C1orf159: variants seen among roughly 807,000 people sequenced by gnomAD.
C1orf159 encodes uncharacterized protein C1orf159.
Under a neutral mutation model 25.6 loss-of-function variants are expected in C1orf159, and 19 were observed. That is an observed-to-expected ratio of 0.74 (90% CI 0.52 to 1.09). C1orf159 has a LOEUF of 1.09. Among genes scored for constraint, C1orf159 ranks in the 50% least tolerant of loss-of-function variants. C1orf159 has a pLI of 0.00. For synonymous variants in C1orf159, 139 were observed against 124.7 expected, an observed-to-expected ratio of 1.12 and a Z score of -0.77; for missense variants, 274 against 290.6, an observed-to-expected ratio of 0.94 and a Z score of 0.42.
At chr1:1,084,667 A>G (rs565912854) in intron 7 of C1orf159, among the ~76,000 whole-genome samples, 161 bp from the exon 8 acceptor site, 75 of 151,752 alleles carry the variant, frequency 4.9e-4, no homozygotes, top group Non-Finnish European at 8.9e-4. Flanking sequence ...GTCTCCCCCA[A>G]CCTCTCCCTG....
At chr1:1,093,693 A>G (rs1242512994) in intron 1 of C1orf159, among the ~76,000 whole-genome samples, 2 of 152,240 alleles carry the variant, frequency 1.3e-5, no homozygotes, top group Admixed American at 1.3e-4. Context: ...GCCTTTGCCC[A>G]TCACCTGCCA....
At chr1:1,108,446 TCGACACCG>T (rs1646208887) in intron 1 of C1orf159, among the ~76,000 whole-genome samples, 1 of 114,496 alleles carries the variant, frequency 8.7e-6, no homozygotes, top group African/African-American at 3.9e-5. Flanking sequence ...CCACCATGTC[TCGACACCG>T]TTCACCACAG....
intron 1 of C1orf159, among the ~76,000 whole-genome samples, chr1:1,099,632 G>C (rs1163781332): frequency 1.3e-5 from 2 of 151,920 alleles, no homozygotes; most frequent in Admixed American, 6.6e-5. Flanking sequence ...GAATTGGAGA[G>C]AGAGAGGTTA....
At chr1:1,093,701 C>A in intron 1 of C1orf159, among the ~76,000 whole-genome samples, 1 of 152,256 alleles carries the variant, frequency 6.6e-6, no homozygotes, top group South Asian at 2.1e-4. Flanking sequence ...CCATCACCTG[C>A]CAGTGGGTGC....
At chr1:1,099,826 A>G (rs1646074529) in intron 1 of C1orf159, among the ~76,000 whole-genome samples, 1 of 151,406 alleles carries the variant, frequency 6.6e-6, no homozygotes, top group South Asian at 2.1e-4. Context: ...TGGGTTGTCT[A>G]TTGATGTTTT....
At chr1:1,093,982 T>C (rs1045309032) in intron 1 of C1orf159, among the ~76,000 whole-genome samples, 1 of 152,216 alleles carries the variant, frequency 6.6e-6, no homozygotes, top group Non-Finnish European at 1.5e-5. Flanking sequence ...TGAAGACTAA[T>C]GATGGCATCT....
intron 1 of C1orf159, among the ~76,000 whole-genome samples, chr1:1,100,320 C>T (rs1454717580): frequency 6.6e-6 from 1 of 151,434 alleles, no homozygotes; most frequent in Admixed American, 6.6e-5. Context: ...GTATGTTAAT[C>T]GTTTTCTGAT....
In C1orf159 at chr1:1,087,312, G is replaced by T; in HGVS notation, c.245-108C>A. 3 of 1,274,300 alleles carry T rather than the reference G, an allele frequency of 2.4e-6. No homozygotes were observed. In the South Asian group the frequency reaches 4.5e-5, roughly 19 times the overall value. 78.9% of individuals were successfully genotyped at this position (1,274,300 alleles called of 1,614,324 possible). ...CGGAAATATGAAAGCGAGGGGCTGAGGGGGCGGAGCAGCCCTCACCACAGA... is the reference window on the plus strand; with the variant it reads ...CGGAAATATGAAAGCGAGGGGCTGATGGGGCGGAGCAGCCCTCACCACAGA... On this transcript the variant is annotated intron_variant, in intron 5 of 9. Transcript: ENST00000421241. This position sits in a 1 kb window ranked among gnomAD's most constrained non-coding sequence, Gnocchi z 8.3.
chr1:1,115,482 C>T (rs1646322854), intron 1 of C1orf159, among the ~76,000 whole-genome samples: 1 of 140,344 alleles, frequency 7.1e-6, no homozygotes, highest in Middle Eastern at 4.0e-3. Context: ...CCCGTCCCAT[C>T]CCCTCCCCAG....
At chr1:1,091,104 T>C in intron 3 of C1orf159, 1 of 769,422 alleles carries the variant, frequency 1.3e-6, no homozygotes, top group Non-Finnish European at 2.1e-6. Flanking sequence ...CAGTGAGGGG[T>C]CCCCACCCTC....
chr1:1,115,553 A>AC (rs1187314470), intron 1 of C1orf159, among the ~76,000 whole-genome samples: 1 of 29,456 alleles, frequency 3.4e-5, no homozygotes, highest in African/African-American at 1.4e-4. Flanking sequence ...TCCCCCAGAG[A>AC]CCCCCTCCCC....
At chr1:1,091,194 C>T (rs1447606659) in intron 3 of C1orf159, 2 of 615,254 alleles carry the variant, frequency 3.3e-6, no homozygotes, top group East Asian at 2.8e-5. Context: ...GCTGTCACCG[C>T]TGGCAGAGGT....
In C1orf159 at chr1:1,087,264, T is replaced by C. The variant is rs1003012262; in HGVS notation, c.245-60A>G. Reference sequence around the variant, plus strand: ...CACGGAGCCCACGGGGACACCCACGTGCACCCTGAAGGGATCTCAGGACGG... The same window carrying C: ...CACGGAGCCCACGGGGACACCCACGCGCACCCTGAAGGGATCTCAGGACGG... On this transcript the variant is annotated intron_variant, in intron 5 of 9. Coordinates refer to ENST00000421241, the MANE Select transcript of C1orf159 (RefSeq NM_017891.5). This position sits in a 1 kb window ranked among gnomAD's most constrained non-coding sequence, Gnocchi z 8.3. 15 of 1,501,968 alleles carry C rather than the reference T, an allele frequency of 1.0e-5. No individual in the cohort carries two copies. Among genetic ancestry groups the C allele is most frequent in the Admixed American group, 1.9e-5 (1 of 51,522 alleles). The allele number at this position is 1,501,968 out of a possible 1,614,324, so 93.0% of individuals were successfully genotyped here.
chr1:1,091,207 TC>T (rs1316594786), intron 3 of C1orf159: 67 of 614,506 alleles, frequency 1.1e-4, no homozygotes, highest in Non-Finnish European at 1.8e-4. Flanking sequence ...GCAGAGGTGC[TC>T]CCATTGCGGG....
rs756742087 is a variant in C1orf159, at chr1:1,089,594, G to A, written c.148+759C>T. On this transcript the variant is annotated intron_variant, in intron 4 of 9. Transcript: ENST00000421241. The surrounding 1 kb of genome is among the most constrained non-coding windows in gnomAD (Gnocchi z 7.5). ...CTGCCACAGCCGCCGTCTTGACCAC[G>A]CCCTCCTCACGAGGCCCCTGAGTCC... Among the ~76,000 whole-genome samples the A allele has an allele frequency of 4.6e-5, 7 of 152,036 alleles. No individual in the cohort carries two copies. The highest frequency in any genetic ancestry group is 3.9e-4 in the Admixed American group (6 of 15,268).
intron 1 of C1orf159, among the ~76,000 whole-genome samples, chr1:1,095,242 C>CA (rs1645994608): frequency 6.6e-6 from 1 of 152,276 alleles, no homozygotes; most frequent in South Asian, 2.1e-4. Context: ...TCAATTCCTA[C>CA]AAAAAAGCCT....
chr1:1,100,989 ATCAT>A (rs1197165427), intron 1 of C1orf159, among the ~76,000 whole-genome samples: 2 of 152,212 alleles, frequency 1.3e-5, no homozygotes, highest in African/African-American at 2.4e-5. Flanking sequence ...TTTGATGTTC[ATCAT>A]TCATTCTTAA....
chr1:1,090,272 C>T (rs1339864210), intron 4 of C1orf159, 81 bp downstream of exon 4: 1 of 1,382,798 alleles, frequency 7.2e-7, no homozygotes, highest in African/African-American at 1.4e-5. Flanking sequence ...CTGTCCTTGT[C>T]ACCGAGGGGA....
At chr1:1,093,587 C>T (rs1645970701) in intron 1 of C1orf159, among the ~76,000 whole-genome samples, 1 of 152,252 alleles carries the variant, frequency 6.6e-6, no homozygotes. Flanking sequence ...AAAGGGGTTG[C>T]ACACACTGAC....
Sources: allele counts gnomAD v4.1 joint callset (sites outside exome capture counted in the v4.1 genomes callset), GRCh38; gene constraint gnomAD v4.1.1; non-coding constraint Gnocchi (gnomAD v3.1); transcripts MANE v1.5; gene names NCBI Gene and HGNC (gene_info 2026-07-23, HGNC 2026-07-21).